Variants in CDH4 observed in about 807,000 individuals in gnomAD.
CDH4 encodes the protein cadherin-4.
In CDH4, 33 loss-of-function variants were observed where a neutral mutation model predicts 86.0. The ratio of observed to expected loss-of-function variants is 0.38; its 90% CI spans 0.29 to 0.51. The LOEUF (loss-of-function observed/expected upper bound fraction) is 0.51. CDH4 is among the 20% of genes least tolerant of loss of function. The probability of loss-of-function intolerance (pLI) is 0.86; values close to 1 mark genes in which losing one functional copy is unlikely to be tolerated. For missense variants in CDH4, 1,114 were observed against 1,307.4 expected, an observed-to-expected ratio of 0.85 and a Z score of 2.28; for synonymous variants, 555 against 549.4, an observed-to-expected ratio of 1.01 and a Z score of -0.14.
intron 2 of CDH4, among the ~76,000 whole-genome samples, chr20:61,454,471 A>T (rs1053259489): frequency 3.9e-5 from 6 of 152,010 alleles, no homozygotes; most frequent in Non-Finnish European, 8.8e-5. Context: ...TTTGAGACGG[A>T]GTCTCACTCT....
chr20:61,447,180 G>A (rs979524868), intron 2 of CDH4, among the ~76,000 whole-genome samples: 19 of 152,036 alleles, frequency 1.2e-4, no homozygotes, highest in South Asian at 2.1e-4. Flanking sequence ...TTTTTGAGAC[G>A]GAGTCTCACT....
chr20:61,451,641 G>C (rs1384276020), intron 2 of CDH4, among the ~76,000 whole-genome samples: 1 of 152,032 alleles, frequency 6.6e-6, no homozygotes, highest in African/African-American at 2.4e-5. Context: ...AGGAGAGCTG[G>C]GGTCGCCAAG....
Position 61,773,027 on chromosome 20 carries a change from G to A in CDH4, c.421G>A (p.Ala141Thr). ...HKPQKGKKVV[A>T]LDPSPPPKDT... The stretch of plus-strand genomic sequence containing the variant: ...GCCGCAGAAAGGAAAGAAGGTCGTG[G>A]CTCTGGACCCCTCTCCGCCTCCGAA... Residue 141 changes from alanine to threonine, a missense_variant, in exon 4 of 16, where the codon GCT becomes ACT. Ala to Thr is a moderately conservative substitution (Grantham distance 58). Transcript: ENST00000614565. 6.2e-7 allele frequency: 1 copy of A among 1,613,000 alleles called. No individual in the cohort carries two copies. The highest frequency in any genetic ancestry group is 8.5e-7 in the Non-Finnish European group (1 of 1,179,310).
chr20:61,553,471 C>A (rs1234832055), intron 2 of CDH4, among the ~76,000 whole-genome samples: 1 of 152,200 alleles, frequency 6.6e-6, no homozygotes, highest in African/African-American at 2.4e-5. Context: ...TAAAAACCAG[C>A]CTTTGAGGTG....
chr20:61,879,135 T>C lies in CDH4; in HGVS notation c.1050+5235T>C, dbSNP rs73915129. 0.073 allele frequency among the ~76,000 whole-genome samples: 11,035 copies of C among 152,186 alleles called. 774 individuals carry two copies. Among genetic ancestry groups the C allele is most frequent in the African/African-American group, 0.18 (7,298 of 41,500 alleles). On this transcript the variant is annotated intron_variant, in intron 7 of 15. Coordinates refer to ENST00000614565, the MANE Select transcript of CDH4 (RefSeq NM_001794.5). The surrounding 1 kb of genome is among the most constrained non-coding windows in gnomAD (Gnocchi z 4.1). ...CCACGCAGGCGGCCACTGACAGCAGTGTAGACGCCAAGCGAGCACCAGTTC... is the reference window on the plus strand; with the variant it reads ...CCACGCAGGCGGCCACTGACAGCAGCGTAGACGCCAAGCGAGCACCAGTTC...
chr20:61,746,101 C>T (rs967933563), intron 3 of CDH4, among the ~76,000 whole-genome samples: 8 of 152,156 alleles, frequency 5.3e-5, no homozygotes, highest in Admixed American at 4.6e-4. Flanking sequence ...GGCAGCAGAG[C>T]GTGCCTCTAA....
intron 2 of CDH4, among the ~76,000 whole-genome samples, chr20:61,304,652 G>A (rs965720932): frequency 6.6e-6 from 1 of 152,166 alleles, no homozygotes; most frequent in Admixed American, 6.5e-5. Context: ...CTATTGGCAG[G>A]AGGTTTATAA....
intron 2 of CDH4, among the ~76,000 whole-genome samples, chr20:61,688,160 G>C (rs2087609678): frequency 6.6e-6 from 1 of 152,064 alleles, no homozygotes; most frequent in Non-Finnish European, 1.5e-5. Flanking sequence ...TGGGCTCATA[G>C]GGGTCAATGT....
chr20:61,785,707 C>T (rs1198680983), intron 4 of CDH4, among the ~76,000 whole-genome samples: 2 of 152,162 alleles, frequency 1.3e-5, no homozygotes, highest in Admixed American at 1.3e-4. Flanking sequence ...GAGACCTTGC[C>T]CAGGTGGACA....
intron 2 of CDH4, among the ~76,000 whole-genome samples, chr20:61,421,393 C>T (rs994851676): frequency 9.2e-5 from 14 of 152,234 alleles, no homozygotes; most frequent in African/African-American, 1.2e-4. Context: ...AGTGCATAGA[C>T]GTAATTTTGA....
rs372708280 is a variant in CDH4 at position 61,811,682 on chromosome 20, C to CT, written c.577-32968dup. Among the ~76,000 whole-genome samples, 15,359 of 127,360 alleles carry CT rather than the reference C, an allele frequency of 0.12. 1,232 individuals are homozygous for CT. Among genetic ancestry groups the CT allele is most frequent in the East Asian group, 0.22 (930 of 4,178 alleles). 83.6% of individuals were successfully genotyped at this position (127,360 alleles called of 152,430 possible). A position where few individuals can be genotyped will look rare whatever the true frequency, so the allele number is the denominator to read the frequency against. On this transcript the variant is annotated intron_variant, in intron 4 of 15. Transcript: ENST00000614565. The surrounding 1 kb of genome is among the most constrained non-coding windows in gnomAD (Gnocchi z 4.4). ...GTCACGCCCCTGGCTGCCTACTGAG[C>CT]TTTTTTTTTTTTTTTTTTGAGTTGG...
intron 2 of CDH4, among the ~76,000 whole-genome samples, chr20:61,735,884 C>A (rs532233145): frequency 6.6e-6 from 1 of 152,296 alleles, no homozygotes; most frequent in South Asian, 2.1e-4. Flanking sequence ...CTCTTTGCAG[C>A]CAAATATTGA....
At chr20:61,691,713 C>A (rs1013082957) in intron 2 of CDH4, among the ~76,000 whole-genome samples, 2 of 152,170 alleles carry the variant, frequency 1.3e-5, no homozygotes, top group East Asian at 3.8e-4. Context: ...CTGCAGACAG[C>A]AGTAACAATG....
intron 4 of CDH4, among the ~76,000 whole-genome samples, chr20:61,822,108 A>G (rs1334034677): frequency 6.6e-6 from 1 of 152,198 alleles, no homozygotes; most frequent in African/African-American, 2.4e-5. Context: ...ACTTCATCTC[A>G]TTAATGATTT....
At chr20:61,499,323 C>A (rs2085683863) in intron 2 of CDH4, 2 of 534,992 alleles carry the variant, frequency 3.7e-6, no homozygotes, top group Middle Eastern at 5.2e-4. Flanking sequence ...GTACTTTCAT[C>A]CCCTATGCCT....
At chr20:61,601,808 C>T (rs2086603080) in intron 2 of CDH4, among the ~76,000 whole-genome samples, 2 of 152,264 alleles carry the variant, frequency 1.3e-5, no homozygotes, top group Admixed American at 6.5e-5. Flanking sequence ...TCCACCAGTC[C>T]TGGTGCCCGT....
At chr20:61,545,442 T>C (rs2748148) in intron 2 of CDH4, among the ~76,000 whole-genome samples, 144,983 of 152,308 alleles carry the variant, frequency 0.95, 69,066 homozygotes, top group East Asian at 1. Context: ...GGAAGGACGC[T>C]GACCCCGGCG....
chr20:61,305,083 T>G (rs765789286), intron 2 of CDH4, among the ~76,000 whole-genome samples: 17 of 151,942 alleles, frequency 1.1e-4, no homozygotes, highest in Non-Finnish European at 2.2e-4. Flanking sequence ...TTGTGTGTGT[T>G]GTGTATGCAC....
At position 61,554,947 on chromosome 20, in the gene CDH4, A is replaced by G. The variant is rs546477822; in HGVS notation, c.170-188616A>G. ...CTCGTGTGTGCATGCATTCTTGTGC[A>G]TGTATTTAGGTGTGCAAGTGTGTTT... On this transcript the variant is annotated intron_variant, in intron 2 of 15. Transcript: ENST00000614565. Among the ~76,000 whole-genome samples the G allele has an allele frequency of 2.2e-4, 34 of 152,340 alleles. 1 individual carries two copies. The highest frequency in any genetic ancestry group is 7.5e-4 in the African/African-American group (31 of 41,578).
Sources: allele counts gnomAD v4.1 joint callset (sites outside exome capture counted in the v4.1 genomes callset), GRCh38; gene constraint gnomAD v4.1.1; non-coding constraint Gnocchi (gnomAD v3.1); transcripts MANE v1.5; gene names NCBI Gene and HGNC (gene_info 2026-07-23, HGNC 2026-07-21).